The following OSBPL5 variants were observed in gnomAD, a reference collection of about 807,000 sequenced individuals.
OSBPL5 encodes the protein oxysterol-binding protein-related protein 5.
In OSBPL5, 71 loss-of-function variants were observed where a neutral mutation model predicts 111.2. That is an observed-to-expected ratio of 0.64 (90% CI 0.53 to 0.78). The LOEUF (loss-of-function observed/expected upper bound fraction) is 0.78, where lower values mean the gene tolerates loss of function less well. Ranked by LOEUF, OSBPL5 falls within the 30% of genes least tolerant of loss-of-function variation. OSBPL5 has a pLI of 0.00. For missense variants in OSBPL5, 1,210 were observed against 1,189.3 expected (o/e 1.02, Z -0.26); for synonymous variants, 549 against 513.9 (o/e 1.07, Z -0.93).
At chr11:3,129,254 G>A in intron 1 of OSBPL5, 85 bp from the exon 2 acceptor site, 1 of 1,241,050 alleles carries the variant, frequency 8.1e-7, no homozygotes, top group South Asian at 2.0e-5. Context: ...CCCTGGCTAA[G>A]AAGTCCCCCT....
rs1489940372 is a variant in OSBPL5, at chr11:3,141,252, T to C, written c.-21-12083A>G. On this transcript the variant is annotated intron_variant, in intron 1 of 21. Transcript: ENST00000263650. This position sits in a 1 kb window ranked among gnomAD's most constrained non-coding sequence, Gnocchi z 6.5. ...CACAGGAGATGCCACCGAGTCGTGA[T>C]TGCTCCTGGACAATGCACAGCGTCC... Among the ~76,000 whole-genome samples the C allele has an allele frequency of 6.6e-6, 1 of 152,076 alleles. No homozygotes were observed. Among genetic ancestry groups the C allele is most frequent in the Non-Finnish European group, 1.5e-5 (1 of 68,012 alleles).
intron 13 of OSBPL5, 31 bp downstream of exon 13, chr11:3,101,572 C>T (rs767358578): frequency 7.6e-6 from 12 of 1,581,652 alleles, no homozygotes; most frequent in African/African-American, 2.7e-5. Flanking sequence ...TTCCCTGAGG[C>T]CCCAGGGAGC....
intron 4 of OSBPL5, 107 bp from the exon 5 acceptor site, chr11:3,122,205 AAGT>A: frequency 7.7e-7 from 1 of 1,305,290 alleles, no homozygotes; most frequent in East Asian, 2.5e-5. Flanking sequence ...GCAGGAGAGG[AAGT>A]AGGAGGAAGT....
At chr11:3,093,457 C>T in intron 17 of OSBPL5, 70 bp downstream of exon 17, 1 of 1,577,078 alleles carries the variant, frequency 6.3e-7, no homozygotes. Context: ...GCACTGTAGC[C>T]CTGCTGACCT....
At chr11:3,157,376 A>C (rs914038565) in intron 1 of OSBPL5, among the ~76,000 whole-genome samples, 8 of 152,194 alleles carry the variant, frequency 5.3e-5, no homozygotes, top group Non-Finnish European at 1.0e-4. Context: ...TTCCAGGAGA[A>C]GGTGACGTCC....
chr11:3,103,841 CAGCCCCTTTCCAGTCTG>C, intron 10 of OSBPL5, among the ~76,000 whole-genome samples: 1 of 79,340 alleles, frequency 1.3e-5, no homozygotes, highest in African/African-American at 4.4e-5. Context: ...CCAGCCTCTG[CAGCCCCTTTCCAGTCTG>C]CGCAGCCCCC....
chr11:3,115,298 A>AT (rs1022404434), intron 7 of OSBPL5, among the ~76,000 whole-genome samples: 6 of 152,064 alleles, frequency 3.9e-5, no homozygotes, highest in Non-Finnish European at 8.8e-5. Context: ...AGATATTAAA[A>AT]TTTTTTTTAA....
intron 5 of OSBPL5, 96 bp from the exon 6 acceptor site, chr11:3,120,720 T>G (rs938099091): frequency 2.8e-6 from 4 of 1,408,848 alleles, no homozygotes; most frequent in South Asian, 1.3e-5. Flanking sequence ...CAGACCAGGG[T>G]GGGCTGCCGA....
intron 7 of OSBPL5, among the ~76,000 whole-genome samples, chr11:3,111,486 A>G (rs1857928095): frequency 6.6e-6 from 1 of 152,052 alleles, no homozygotes. Context: ...ATTTCTCCTT[A>G]CCATTAGAGC....
In OSBPL5 at chr11:3,103,764, G is replaced by GTA. The variant is rs1564829950; in HGVS notation, c.1244+428_1244+429insTA. ...TCTGCAACCCTCTTCCAGCTCTGCAGCCCCCTTCCAGCCTCTGCAGTCCCT... is the reference window on the plus strand; with the variant it reads ...TCTGCAACCCTCTTCCAGCTCTGCAGTACCCCCTTCCAGCCTCTGCAGTCCCT... On this transcript the variant is annotated intron_variant, in intron 10 of 21. Transcript: ENST00000263650. Among the ~76,000 whole-genome samples the GTA allele has an allele frequency of 4.0e-3, 119 of 29,466 alleles. 4 individuals carry two copies. Among genetic ancestry groups the GTA allele is most frequent in the East Asian group, 0.023 (20 of 858 alleles). The allele number at this position is 29,466 out of a possible 152,430, so 19.3% of individuals were successfully genotyped here. A position where few individuals can be genotyped will look rare whatever the true frequency, so the allele number is the denominator to read the frequency against.
At chr11:3,137,790 A>G (rs61684995) in intron 1 of OSBPL5, among the ~76,000 whole-genome samples, 4,387 of 152,322 alleles carry the variant, frequency 0.029, 229 homozygotes, top group African/African-American at 0.099. Context: ...CCTGGGTGAC[A>G]AAGTGACACC....
At position 3,110,144 on chromosome 11, in the gene OSBPL5, G is replaced by A. The variant is rs7924972; in HGVS notation, c.692-2199C>T. Among the ~76,000 whole-genome samples, 69,712 of 152,100 alleles carry A rather than the reference G, an allele frequency of 0.46. 16,797 individuals carry two copies. The highest frequency in any genetic ancestry group is 0.57 in the African/African-American group (23,711 of 41,482). On this transcript the variant is annotated intron_variant, in intron 7 of 21. Coordinates refer to ENST00000263650, the MANE Select transcript of OSBPL5 (RefSeq NM_020896.4). The surrounding 1 kb of genome is among the most constrained non-coding windows in gnomAD (Gnocchi z 5.3). The stretch of plus-strand genomic sequence containing the variant: ...TGACCACCAGGGGTGATGTGGCACC[G>A]AGACTCCAACCTGAGAGGCACCGGA...
In OSBPL5 at chr11:3,162,784, G is replaced by A. The variant is rs190465023; in HGVS notation, c.-22+2432C>T. Among the ~76,000 whole-genome samples, 1 of 152,138 alleles carries A rather than the reference G, an allele frequency of 6.6e-6. No individual in the cohort carries two copies. The highest frequency in any genetic ancestry group is 2.0e-4 in the East Asian group (1 of 5,118). On this transcript the variant is annotated intron_variant, in intron 1 of 21. Coordinates refer to ENST00000263650, the MANE Select transcript of OSBPL5 (RefSeq NM_020896.4). The surrounding 1 kb of genome is among the most constrained non-coding windows in gnomAD (Gnocchi z 8.1). ...GCTCGGTAAGTCATCAAGCAAAGCT[G>A]GCATCGAGAACAATATTCTTTTCCT...
intron 11 of OSBPL5, 87 bp from the exon 12 acceptor site, chr11:3,102,368 G>A: frequency 8.0e-7 from 1 of 1,243,716 alleles, no homozygotes; most frequent in Non-Finnish European, 1.2e-6. Context: ...CGGAGGGGCA[G>A]CGTGGGTGGG....
At chr11:3,147,110 G>A (rs576239124) in intron 1 of OSBPL5, among the ~76,000 whole-genome samples, 119 of 147,600 alleles carry the variant, frequency 8.1e-4, no homozygotes, top group African/African-American at 2.7e-3. Flanking sequence ...AACCACAGCC[G>A]TGTGACTCAC....
At position 3,106,246 on chromosome 11, in the gene OSBPL5, G is replaced by A. The variant is rs956048429; in HGVS notation, c.1059+1017C>T. Reference sequence around the variant, plus strand: ...GTGCAGAGCAAGATGCGAACACGACGCTGTCCAAACAACAGCAAGGAACGA... The same window carrying A: ...GTGCAGAGCAAGATGCGAACACGACACTGTCCAAACAACAGCAAGGAACGA... On this transcript the variant is annotated intron_variant, in intron 9 of 21. Transcript: ENST00000263650. The surrounding 1 kb of genome is among the most constrained non-coding windows in gnomAD (Gnocchi z 8.4). Among the ~76,000 whole-genome samples, 9 of 152,124 alleles carry A rather than the reference G, an allele frequency of 5.9e-5. No homozygotes were observed. The highest frequency in any genetic ancestry group is 3.9e-4 in the Admixed American group (6 of 15,274).
chr11:3,129,921 C>T (rs1858767874), intron 1 of OSBPL5, among the ~76,000 whole-genome samples: 1 of 152,240 alleles, frequency 6.6e-6, no homozygotes, highest in Non-Finnish European at 1.5e-5. Flanking sequence ...GCCTCGCTCT[C>T]CCAGCCCCGC....
Position 3,121,343 on chromosome 11 carries a change from C to A in OSBPL5, c.402+654G>T, listed in dbSNP as rs1404372893. ...AAAGTGTTGGGATTACAGGTGTGAG[C>A]CACTGCACCCGGCCTGGCAGCTCTG... On this transcript the variant is annotated intron_variant, in intron 5 of 21. Coordinates refer to ENST00000263650, the MANE Select transcript of OSBPL5 (RefSeq NM_020896.4). The surrounding 1 kb of genome is among the most constrained non-coding windows in gnomAD (Gnocchi z 4.3). Among the ~76,000 whole-genome samples, 1 of 152,154 alleles carries A rather than the reference C, an allele frequency of 6.6e-6. No homozygotes were observed. Among genetic ancestry groups the A allele is most frequent in the Non-Finnish European group, 1.5e-5 (1 of 68,016 alleles).
intron 7 of OSBPL5, among the ~76,000 whole-genome samples, chr11:3,112,020 TGTGC>T (rs1564837270): frequency 4.5e-5 from 3 of 66,846 alleles, no homozygotes; most frequent in Non-Finnish European, 8.0e-5. Flanking sequence ...CGCGCATGTG[TGTGC>T]ATGTGTGTGT....
Sources: gnomAD v4.1 joint callset for allele counts (sites outside exome capture counted in the v4.1 genomes callset) on GRCh38, gnomAD v4.1.1 for gene constraint, Gnocchi (gnomAD v3.1) non-coding constraint, MANE v1.5 for transcripts, NCBI Gene and HGNC (gene_info 2026-07-23, HGNC 2026-07-21) for gene names.